Variants in CCDC50 observed in about 807,000 individuals in gnomAD.
The protein encoded by CCDC50 is coiled-coil domain-containing protein 50.
Under a neutral mutation model 70.2 loss-of-function variants are expected in CCDC50, and 54 were observed. The ratio of observed to expected loss-of-function variants is 0.77; its 90% CI spans 0.62 to 0.96. The LOEUF (loss-of-function observed/expected upper bound fraction) is 0.96. Among genes scored for constraint, CCDC50 ranks in the 50% least tolerant of loss-of-function variants. The pLI is 0.00. For missense variants in CCDC50, 558 were observed against 578.7 expected (o/e 0.96, Z 0.37); for synonymous variants, 216 against 198.8 (o/e 1.09, Z -0.73).
chr3:191,368,780 T>G (rs545663926), intron 4 of CCDC50, among the ~76,000 whole-genome samples: 1 of 152,196 alleles, frequency 6.6e-6, no homozygotes, highest in East Asian at 1.9e-4. Context: ...TACCAGTGAG[T>G]ATTATTCCCA....
At chr3:191,362,618 A>G (rs553812329) in intron 4 of CCDC50, among the ~76,000 whole-genome samples, 1 of 152,226 alleles carries the variant, frequency 6.6e-6, no homozygotes, top group East Asian at 1.9e-4. Context: ...GGTTATAAGC[A>G]TGGTGTTAAT....
intron 4 of CCDC50, among the ~76,000 whole-genome samples, chr3:191,361,374 A>G (rs1043854653): frequency 6.6e-6 from 1 of 152,230 alleles, no homozygotes; most frequent in Non-Finnish European, 1.5e-5. Context: ...AATTTCACAT[A>G]TGATGTGAGT....
rs1046512821 is a variant in CCDC50, at chr3:191,394,743, G to A, written c.*2983G>A. 1.3e-5 allele frequency: 2 copies of A among 152,140 alleles called. No individual in the cohort carries two copies. The highest frequency in any genetic ancestry group is 4.8e-5 in the African/African-American group (2 of 41,430). 9.4% of individuals were successfully genotyped at this position (152,140 alleles called of 1,614,324 possible). A position where few individuals can be genotyped will look rare whatever the true frequency, so the allele number is the denominator to read the frequency against. ...TTATAAATCATTGTTTGGAAGTAAA[G>A]TTAGATAAGAGTCAAATTAAATGTT... On this transcript the variant is annotated 3_prime_UTR_variant, in exon 12 of 12. Coordinates refer to ENST00000392455, the MANE Select transcript of CCDC50 (RefSeq NM_178335.3).
chr3:191,338,832 A>G (rs1711610930), intron 1 of CCDC50, among the ~76,000 whole-genome samples: 1 of 152,206 alleles, frequency 6.6e-6, no homozygotes, highest in Non-Finnish European at 1.5e-5. Flanking sequence ...TTTGGAGGCA[A>G]CAGTCTTACT....
At chr3:191,387,725 G>A (rs1384962101) in intron 10 of CCDC50, among the ~76,000 whole-genome samples, 3 of 150,548 alleles carry the variant, frequency 2.0e-5, no homozygotes, top group Admixed American at 2.0e-4. Context: ...TGGGCATCCT[G>A]TGCTTTGTTT....
intron 1 of CCDC50, among the ~76,000 whole-genome samples, chr3:191,330,067 C>T (rs948008518): frequency 2.0e-5 from 3 of 151,970 alleles, no homozygotes; most frequent in Admixed American, 1.3e-4. Context: ...TCTAAAAAAT[C>T]GAGGCCCAGC....
chr3:191,360,980 A>G (rs1362422371), intron 3 of CCDC50, 89 bp from the exon 4 acceptor site: 1 of 858,708 alleles, frequency 1.2e-6, no homozygotes, highest in Non-Finnish European at 1.9e-6. Flanking sequence ...CTTCTCATAT[A>G]GTGAGTATTC....
At chr3:191,356,995 T>A (rs1576957872) in intron 1 of CCDC50, 93 bp from the exon 2 acceptor site, 1 of 670,188 alleles carries the variant, frequency 1.5e-6, no homozygotes. Context: ...TTAGAATTGA[T>A]TTTTTTTAAA....
chr3:191,355,786 G>A (rs1243758348), intron 1 of CCDC50, among the ~76,000 whole-genome samples: 2 of 152,198 alleles, frequency 1.3e-5, no homozygotes, highest in Non-Finnish European at 2.9e-5. Flanking sequence ...ATGTTTGAGC[G>A]AGGATTAAGC....
At position 191,358,081 on chromosome 3, in the gene CCDC50, G is replaced by C. The variant is rs768357717; in HGVS notation, c.196G>C (p.Asp66His). The C allele has an allele frequency of 1.9e-6, 3 of 1,613,886 alleles. No homozygotes were observed. Among genetic ancestry groups the C allele is most frequent in the Non-Finnish European group, 2.5e-6 (3 of 1,179,922 alleles). ...LQVAKQLQEE[D>H]LKAQAQLQKR... ...GGTGGCTAAGCAGCTCCAAGAGGAA[G>C]ATCTGAAAGCGCAGGCCCAGCTCCA... The change falls in exon 3 of 12, where the codon GAT becomes CAT. Residue 66 changes from aspartate (D) to histidine (H), a missense_variant. By Grantham distance (81) the Asp-to-His change is moderately conservative. Transcript: ENST00000392455.
chr3:191,388,081 C>T (rs532171196), intron 10 of CCDC50, among the ~76,000 whole-genome samples: 46 of 151,724 alleles, frequency 3.0e-4, no homozygotes, highest in African/African-American at 1.1e-3. Context: ...TATTGGTAAA[C>T]AAATGATTTA....
Position 191,357,120 on chromosome 3 carries a change from A to G in CCDC50, c.82A>G (p.Thr28Ala). Residue 28 changes from threonine (T) to alanine (A), a missense_variant, in exon 2 of 12, where the codon ACC (threonine) becomes GCC (alanine). By Grantham distance (58) the Thr-to-Ala change is moderately conservative. Coordinates refer to ENST00000392455, the MANE Select transcript of CCDC50 (RefSeq NM_178335.3). ...CRDFAVLEDH[T>A]LAHSLQEQEI... ...AGATTTTGCTGTCCTGGAGGACCAC[A>G]CCCTGGCTCACAGCCTGCAGGAACA... 1 of 1,613,614 alleles carries G rather than the reference A, an allele frequency of 6.2e-7. No homozygotes were observed. The highest frequency in any genetic ancestry group is 8.5e-7 in the Non-Finnish European group (1 of 1,179,712).
intron 5 of CCDC50, among the ~76,000 whole-genome samples, chr3:191,373,502 ACT>A (rs1300655225): frequency 6.6e-6 from 1 of 152,052 alleles, no homozygotes; most frequent in Non-Finnish European, 1.5e-5. Flanking sequence ...CACTTGTGCA[ACT>A]CTGAGTGAGC....
intron 1 of CCDC50, among the ~76,000 whole-genome samples, chr3:191,333,658 A>G (rs897308945): frequency 6.6e-6 from 1 of 152,192 alleles, no homozygotes; most frequent in Admixed American, 6.5e-5. Flanking sequence ...GTAATCAGCA[A>G]CTATTCAGTA....
At chr3:191,382,430 A>G (rs1158598170) in intron 9 of CCDC50, among the ~76,000 whole-genome samples, 1 of 152,144 alleles carries the variant, frequency 6.6e-6, no homozygotes, top group African/African-American at 2.4e-5. Flanking sequence ...GTGGCCAAGC[A>G]CACCCATCTA....
At chr3:191,354,382 A>G (rs1712205967) in intron 1 of CCDC50, among the ~76,000 whole-genome samples, 1 of 152,160 alleles carries the variant, frequency 6.6e-6, no homozygotes, top group Admixed American at 6.5e-5. Context: ...AGGTATATCT[A>G]TCTACAAACT....
At chr3:191,337,186 G>C (rs1711552746) in intron 1 of CCDC50, among the ~76,000 whole-genome samples, 1 of 151,450 alleles carries the variant, frequency 6.6e-6, no homozygotes. Context: ...AAAAAGATTT[G>C]TTTTGGAGCC....
intron 1 of CCDC50, among the ~76,000 whole-genome samples, chr3:191,335,920 C>T (rs1367213693): frequency 6.6e-6 from 1 of 151,754 alleles, no homozygotes; most frequent in African/African-American, 2.4e-5. Flanking sequence ...CCAAACTTCT[C>T]AACCCCCGTT....
intron 10 of CCDC50, 134 bp from the exon 11 acceptor site, chr3:191,389,362 C>T: frequency 1.3e-6 from 1 of 786,098 alleles, no homozygotes; most frequent in South Asian, 1.4e-5. Flanking sequence ...TGTCCAGGAA[C>T]TACAGTGTGA....
Sources: allele counts gnomAD v4.1 joint callset (sites outside exome capture counted in the v4.1 genomes callset), GRCh38; gene constraint gnomAD v4.1.1; transcripts MANE v1.5; gene names NCBI Gene and HGNC (gene_info 2026-07-23, HGNC 2026-07-21).